Variants in ZBTB20 observed in about 807,000 individuals in gnomAD.
ZBTB20 encodes the protein zinc finger and BTB domain-containing protein 20.
In ZBTB20, 9 loss-of-function variants were observed where a neutral mutation model predicts 56.9. The ratio of observed to expected loss-of-function variants is 0.16; its 90% CI spans 0.10 to 0.28. The LOEUF (loss-of-function observed/expected upper bound fraction) is 0.28, where lower values mean the gene tolerates loss of function less well. ZBTB20 is among the 10% of genes least tolerant of loss of function. ZBTB20 has a pLI of 1.00. For missense variants in ZBTB20, 655 were observed against 1,003.0 expected, an observed-to-expected ratio of 0.65 and a Z score of 4.69; for synonymous variants, 417 against 420.7, an observed-to-expected ratio of 0.99 and a Z score of 0.11.
At chr3:114,771,277 G>GA (rs879868991) in intron 5 of ZBTB20, among the ~76,000 whole-genome samples, 2 of 151,980 alleles carry the variant, frequency 1.3e-5, no homozygotes, top group Admixed American at 6.6e-5. Flanking sequence ...CATACTTTGA[G>GA]AAAAAAATAT....
At position 114,351,120 on chromosome 3, in the gene ZBTB20, T is replaced by C; in HGVS notation, c.958A>G (p.Ile320Val). Residue 320 changes from isoleucine to valine, a missense_variant, in exon 11 of 12, where the codon ATC becomes GTC. Ile to Val is a conservative substitution (Grantham distance 29). This residue lies in a region of ZBTB20 where 167 missense variants were observed against 281.9 expected (regional missense o/e 0.59). Transcript: ENST00000675478. ...TGGATGTTGCCCACTAGGGTCTGGA[T>C]GCGCACAGGCCGGGGCTGCTTGCGG... ...HCRKQPRPVR[I>V]QTLVGNIHIK... is the part of the protein sequence containing the mutation. 1 of 1,607,340 alleles carries C rather than the reference T, an allele frequency of 6.2e-7. No homozygotes were observed.
chr3:114,964,100 A>C (rs1454970564), intron 3 of ZBTB20, among the ~76,000 whole-genome samples: 2 of 152,106 alleles, frequency 1.3e-5, no homozygotes, highest in Non-Finnish European at 2.9e-5. Flanking sequence ...TACCATCTAG[A>C]AAGGAGCCAG....
intron 6 of ZBTB20, among the ~76,000 whole-genome samples, chr3:114,587,558 G>A (rs1298172030): frequency 6.6e-6 from 1 of 152,190 alleles, no homozygotes; most frequent in African/African-American, 2.4e-5. Flanking sequence ...ATTTACATGT[G>A]TAATTTAATC....
At chr3:114,723,969 C>A (rs1578537633) in intron 5 of ZBTB20, among the ~76,000 whole-genome samples, 1 of 151,898 alleles carries the variant, frequency 6.6e-6, no homozygotes, top group Non-Finnish European at 1.5e-5. Flanking sequence ...CCCGGGTTCA[C>A]GCCATTCTCC....
intron 4 of ZBTB20, among the ~76,000 whole-genome samples, chr3:114,883,759 G>C (rs914834540): frequency 6.6e-6 from 1 of 151,680 alleles, no homozygotes; most frequent in African/African-American, 2.4e-5. Flanking sequence ...CAAATTATAT[G>C]GTCATATCTG....
intron 7 of ZBTB20, among the ~76,000 whole-genome samples, chr3:114,442,815 A>G (rs1207740346): frequency 6.6e-6 from 1 of 152,112 alleles, no homozygotes; most frequent in Non-Finnish European, 1.5e-5. Flanking sequence ...CTGCTTGCTA[A>G]ACCCATACAT....
chr3:114,845,545 C>G (rs2074657083), intron 4 of ZBTB20, among the ~76,000 whole-genome samples: 1 of 151,696 alleles, frequency 6.6e-6, no homozygotes, highest in South Asian at 2.1e-4. Flanking sequence ...ATATGAACCC[C>G]TGCAAATAAA....
At chr3:114,983,538 T>C (rs1396826012) in intron 2 of ZBTB20, among the ~76,000 whole-genome samples, 2 of 151,950 alleles carry the variant, frequency 1.3e-5, no homozygotes, top group East Asian at 3.9e-4. Context: ...CTCTCAAGTC[T>C]GTACCCAAGC....
intron 5 of ZBTB20, among the ~76,000 whole-genome samples, chr3:114,730,481 C>T (rs1472066843): frequency 6.6e-6 from 1 of 152,148 alleles, no homozygotes. Flanking sequence ...CTCCTACCAA[C>T]TGTATTTGGA....
intron 6 of ZBTB20, among the ~76,000 whole-genome samples, chr3:114,620,300 C>CT (rs922730144): frequency 2.1e-4 from 31 of 151,060 alleles, no homozygotes; most frequent in African/African-American, 5.1e-4. Context: ...CTTTTCTTTT[C>CT]TTTTTTTTTG....
chr3:114,700,165 A>G (rs763999375), intron 5 of ZBTB20, among the ~76,000 whole-genome samples: 14 of 151,362 alleles, frequency 9.2e-5, no homozygotes, highest in Non-Finnish European at 1.8e-4. Flanking sequence ...TCTCACTTGT[A>G]CTCTGTGTCT....
At chr3:114,832,060 G>C (rs1359215277) in intron 4 of ZBTB20, among the ~76,000 whole-genome samples, 2 of 152,044 alleles carry the variant, frequency 1.3e-5, no homozygotes. Context: ...AGAGTCTATA[G>C]ACAGGTCTGA....
chr3:114,469,951 C>T (rs771573056), intron 7 of ZBTB20, among the ~76,000 whole-genome samples: 7 of 151,940 alleles, frequency 4.6e-5, no homozygotes, highest in South Asian at 2.1e-4. Context: ...GCATATGGAA[C>T]GAAGGTCAAA....
chr3:114,515,315 T>TG (rs1559896313), intron 6 of ZBTB20, among the ~76,000 whole-genome samples: 1 of 152,174 alleles, frequency 6.6e-6, no homozygotes, highest in Non-Finnish European at 1.5e-5. Context: ...ACTTTAGAGA[T>TG]ACCCACCAGC....
At chr3:114,882,150 T>C (rs1229555002) in intron 4 of ZBTB20, among the ~76,000 whole-genome samples, 2 of 151,954 alleles carry the variant, frequency 1.3e-5, no homozygotes, top group Admixed American at 6.6e-5. Flanking sequence ...AAAAGTATTA[T>C]AGCCAATTCA....
chr3:114,938,429 C>T lies in ZBTB20; in HGVS notation c.-456+35937G>A, dbSNP rs574340873. ...AGGTCTTACGTCTAAGTCTTTAATG[C>T]CCATCAATGATAGACTGGATAAAGA... is the stretch of plus-strand genomic sequence containing the variant. On this transcript the variant is annotated intron_variant, in intron 3 of 11. Transcript: ENST00000675478. Among the ~76,000 whole-genome samples the T allele has an allele frequency of 2.7e-5, 4 of 146,128 alleles. 1 individual carries two copies. Among genetic ancestry groups the T allele is most frequent in the African/African-American group, 1.1e-4 (4 of 35,872 alleles).
intron 6 of ZBTB20, among the ~76,000 whole-genome samples, chr3:114,677,188 TA>T (rs1241248571): frequency 6.6e-6 from 1 of 152,196 alleles, no homozygotes; most frequent in Non-Finnish European, 1.5e-5. Flanking sequence ...TACTACCTGC[TA>T]AAAAATGAAT....
At chr3:115,056,801 T>A (rs2081808314) in intron 2 of ZBTB20, among the ~76,000 whole-genome samples, 1 of 152,092 alleles carries the variant, frequency 6.6e-6, no homozygotes, top group African/African-American at 2.4e-5. Flanking sequence ...TATCCATATT[T>A]CATTATAGGG....
chr3:115,117,207 A>C (rs919310925), intron 1 of ZBTB20, among the ~76,000 whole-genome samples: 2 of 152,170 alleles, frequency 1.3e-5, no homozygotes, highest in Non-Finnish European at 2.9e-5. Flanking sequence ...TTGGATTTTG[A>C]AATGTGTTTT....
Sources: allele counts gnomAD v4.1 joint callset (sites outside exome capture counted in the v4.1 genomes callset), GRCh38; gene constraint gnomAD v4.1.1; regional missense constraint gnomAD v4.1.1; transcripts MANE v1.5; gene names NCBI Gene and HGNC (gene_info 2026-07-23, HGNC 2026-07-21).